Variants in ATP5PO observed in about 807,000 individuals in gnomAD.
ATP5PO encodes ATP synthase peripheral stalk subunit OSCP, mitochondrial.
A neutral mutation model predicts 26.2 loss-of-function variants in ATP5PO; 14 were observed. That is an observed-to-expected ratio of 0.53 (90% CI 0.35 to 0.83). The LOEUF is 0.83. ATP5PO is among the 40% of genes least tolerant of loss of function. ATP5PO has a pLI of 0.01. For missense variants in ATP5PO, 241 were observed against 258.5 expected (o/e 0.93, Z 0.46); for synonymous variants, 106 against 95.1 (o/e 1.12, Z -0.67).
At chr21:33,915,526 G>A in intron 1 of ATP5PO, 2 of 710,108 alleles carry the variant, frequency 2.8e-6, no homozygotes, top group Middle Eastern at 3.2e-4. Context: ...TACGGCACGC[G>A]CAGCCCCGCG....
chr21:33,912,894 G>A (rs553178686), intron 2 of ATP5PO, among the ~76,000 whole-genome samples: 3 of 152,298 alleles, frequency 2.0e-5, no homozygotes, highest in South Asian at 4.1e-4. Context: ...CCCTATCGAT[G>A]TTCAGTGTAA....
At chr21:33,905,319 A>G (rs1332809888) in intron 5 of ATP5PO, among the ~76,000 whole-genome samples, 1 of 151,972 alleles carries the variant, frequency 6.6e-6, no homozygotes, top group East Asian at 1.9e-4. Flanking sequence ...CATGCCTACT[A>G]TCTCCCTTCA....
At chr21:33,915,443 G>T in intron 1 of ATP5PO, 1 of 490,028 alleles carries the variant, frequency 2.0e-6, no homozygotes, top group Non-Finnish European at 3.6e-6. Context: ...GGAATTCAGC[G>T]AAGGGCAGAC....
Position 33,907,454 on chromosome 21 carries a change from C to A in ATP5PO, c.329-1G>T. Reference sequence around the variant, plus strand: ...AATCGACCATTTTCAGCAAGCAAATCTGCCAGAGTGAAGGTGTCTCAGTAA... The same window carrying A: ...AATCGACCATTTTCAGCAAGCAAATATGCCAGAGTGAAGGTGTCTCAGTAA... On this transcript the variant is annotated splice_acceptor_variant, in intron 4 of 6. Transcript: ENST00000290299. LOFTEE classifies it high-confidence loss of function. The A allele has an allele frequency of 6.2e-7, 1 of 1,612,812 alleles. No individual in the cohort carries two copies. The highest frequency in any genetic ancestry group is 8.5e-7 in the Non-Finnish European group (1 of 1,178,854).
chr21:33,910,790 C>T (rs892399158), intron 3 of ATP5PO, among the ~76,000 whole-genome samples: 6 of 152,204 alleles, frequency 3.9e-5, no homozygotes, highest in Non-Finnish European at 7.3e-5. Flanking sequence ...TAAGCATTAT[C>T]TGCAGAGATA....
chr21:33,914,363 A>T, intron 2 of ATP5PO, 87 bp downstream of exon 2: 1 of 1,345,172 alleles, frequency 7.4e-7, no homozygotes, highest in Non-Finnish European at 1.1e-6. Flanking sequence ...GATAGTAACT[A>T]CACAAAAATC....
rs1279436437 is a variant in ATP5PO, at chr21:33,903,522, A to T, written c.*4T>A. 1 of 1,606,476 alleles carries T rather than the reference A, an allele frequency of 6.2e-7. No individual in the cohort carries two copies. Among genetic ancestry groups the T allele is most frequent in the Non-Finnish European group, 8.5e-7 (1 of 1,175,426 alleles). On this transcript the variant is annotated 3_prime_UTR_variant, in exon 7 of 7. Coordinates refer to ENST00000290299, the MANE Select transcript of ATP5PO (RefSeq NM_001697.3). ...TTTTCACTGATGGCAGAAAACCAAC[A>T]CTTTTAGACAATCTCCCGCATAGCC...
In ATP5PO at chr21:33,903,560, T is replaced by TG. The variant is rs1265639187; in HGVS notation, c.607dup (p.Gln203ProfsTer21). 1 of 1,614,056 alleles carries TG rather than the reference T, an allele frequency of 6.2e-7. No individual in the cohort carries two copies. Among genetic ancestry groups the TG allele is most frequent in the African/African-American group, 1.3e-5 (1 of 74,946 alleles). ...CTCCCGCATAGCCCTGCCCAGCTTC[T>TG]GAATCTTGGTCTTGACAGACATGTC... On this transcript the variant is annotated frameshift_variant, in exon 7 of 7. Coordinates refer to ENST00000290299, the MANE Select transcript of ATP5PO (RefSeq NM_001697.3). LOFTEE classifies it high-confidence loss of function.
Position 33,915,754 on chromosome 21 carries a change from G to C in ATP5PO, c.10C>G (p.Pro4Ala), listed in dbSNP as rs1987306554. 6.3e-7 allele frequency: 1 copy of C among 1,575,706 alleles called. No individual in the cohort carries two copies. The highest frequency in any genetic ancestry group is 8.6e-7 in the Non-Finnish European group (1 of 1,160,998). ...TGCCGGGAGAGCCCGGACACTGCTG[G>C]GGCAGCCATCTTCTCCCGGGCGGCT... is the stretch of plus-strand genomic sequence containing the variant. Reference protein sequence around the residue: MAAPAVSGLSRQVR... With the variant: MAAAAVSGLSRQVR... The change falls in exon 1 of 7, where the codon CCA becomes GCA. Residue 4 changes from proline (P) to alanine (A), a missense_variant. Transcript: ENST00000290299.
intron 3 of ATP5PO, 108 bp from the exon 4 acceptor site, chr21:33,909,319 C>T (rs185433840): frequency 2.8e-5 from 36 of 1,307,534 alleles, no homozygotes; most frequent in East Asian, 1.7e-4. Context: ...CTTGCTCCGT[C>T]GCTCAGGCTG....
intron 5 of ATP5PO, chr21:33,906,436 A>C: frequency 3.0e-6 from 1 of 328,780 alleles, no homozygotes; most frequent in Non-Finnish European, 6.0e-6. Context: ...CTGTGTTCAA[A>C]TTCTAGTCCC....
chr21:33,909,287 CTTTCT>C (rs1987217432), intron 3 of ATP5PO, 76 bp from the exon 4 acceptor site: 1 of 1,500,486 alleles, frequency 6.7e-7, no homozygotes, highest in Non-Finnish European at 9.0e-7. Flanking sequence ...CACTTTCTTT[CTTTCT>C]TTTTTGGAGA....
intron 5 of ATP5PO, chr21:33,906,425 C>G (rs958758649): frequency 3.1e-6 from 1 of 322,202 alleles, no homozygotes; most frequent in African/African-American, 2.2e-5. Flanking sequence ...GGCCTTGAGG[C>G]CTGTGTTCAA....
rs749130391 is a variant in ATP5PO, at chr21:33,909,090, T to C, written c.320A>G (p.Asn107Ser). Residue 107 changes from asparagine to serine, a missense_variant, in exon 4 of 7, where the codon AAT becomes AGT. Around this residue, in one of 3 missense-constraint regions of ATP5PO, gnomAD observed 39 missense variants for 75.5 expected, o/e 0.52. Coordinates refer to ENST00000290299, the MANE Select transcript of ATP5PO (RefSeq NM_001697.3). ...AAAGTTCTAATACTCACTGATCAGA[T>C]TGGTAGTGAGGGGAGAGAACCTCTC... ...AKERFSPLTT[N>S]LINLLAENGR... 32 of 1,609,694 alleles carry C rather than the reference T, an allele frequency of 2.0e-5. No individual in the cohort carries two copies. Among genetic ancestry groups the C allele is most frequent in the Middle Eastern group, 3.3e-4 (2 of 6,048 alleles).
rs144010684 is a variant in ATP5PO at position 33,909,145 on chromosome 21, C to G, written c.265G>C (p.Val89Leu). 1 of 1,613,752 alleles carries G rather than the reference C, an allele frequency of 6.2e-7. No homozygotes were observed. Among genetic ancestry groups the G allele is most frequent in the Non-Finnish European group, 8.5e-7 (1 of 1,179,614 alleles). ...LNPYVKRSIK[V>L]KSLNDITAKE... ...GCTGTGATGTCATTTAGGCTTTTCA[C>G]TTTAATGGAACGCTTCACATAGGGA... Residue 89 changes from valine to leucine, a missense_variant, in exon 4 of 7, where the codon GTG becomes CTG. Val to Leu is a conservative substitution (Grantham distance 32, BLOSUM62 1). Around this residue, in one of 3 missense-constraint regions of ATP5PO, gnomAD observed 125 missense variants for 108.5 expected, o/e 1.15. Coordinates refer to ENST00000290299, the MANE Select transcript of ATP5PO (RefSeq NM_001697.3).
chr21:33,904,065 G>A, intron 5 of ATP5PO, 44 bp from the exon 6 acceptor site: 1 of 1,528,492 alleles, frequency 6.5e-7, no homozygotes, highest in South Asian at 1.2e-5. Flanking sequence ...AAGCAAAACA[G>A]AAACTTCCAG....
chr21:33,915,777 G>A lies in ATP5PO; in HGVS notation c.-14C>T, dbSNP rs1332690160. On this transcript the variant is annotated 5_prime_UTR_variant, in exon 1 of 7. Coordinates refer to ENST00000290299, the MANE Select transcript of ATP5PO (RefSeq NM_001697.3). ...TGGGGCAGCCATCTTCTCCCGGGCGGCTGTAGGTCAAACCCGAGTGGGAAG... is the reference window on the plus strand; with the variant it reads ...TGGGGCAGCCATCTTCTCCCGGGCGACTGTAGGTCAAACCCGAGTGGGAAG... 1.9e-6 allele frequency: 3 copies of A among 1,565,872 alleles called. No homozygotes were observed. The highest frequency in any genetic ancestry group is 2.6e-6 in the Non-Finnish European group (3 of 1,156,188).
chr21:33,905,843 C>T lies in ATP5PO; in HGVS notation c.441+1498G>A, dbSNP rs1054957226. On this transcript the variant is annotated intron_variant, in intron 5 of 6. Coordinates refer to ENST00000290299, the MANE Select transcript of ATP5PO (RefSeq NM_001697.3). The stretch of plus-strand genomic sequence containing the variant: ...AGGAGAATTGCTTGAACCTGGGAGG[C>T]GGAAGTTGCAGTGAGCTAAGATCGT... Among the ~76,000 whole-genome samples the T allele has an allele frequency of 5.8e-5, 8 of 137,410 alleles. No individual in the cohort carries two copies. The South Asian group carries it at 7.0e-4, about 12-fold the overall frequency. 90.1% of individuals were successfully genotyped at this position (137,410 alleles called of 152,430 possible). A position where few individuals can be genotyped will look rare whatever the true frequency, so the allele number is the denominator to read the frequency against.
chr21:33,915,756 G>A lies in ATP5PO; in HGVS notation c.8C>T (p.Ala3Val), dbSNP rs1316279381. The A allele has an allele frequency of 6.3e-6, 10 of 1,574,998 alleles. No individual in the cohort carries two copies. Among genetic ancestry groups the A allele is most frequent in the South Asian group, 4.7e-5 (4 of 85,652 alleles). ...CCGGGAGAGCCCGGACACTGCTGGG[G>A]CAGCCATCTTCTCCCGGGCGGCTGT... MA[A>V]PAVSGLSRQV... is the part of the protein sequence containing the mutation. The change falls in exon 1 of 7, where the codon GCC (alanine) becomes GTC (valine). Residue 3 changes from alanine to valine, a missense_variant. Transcript: ENST00000290299.
Sources: allele counts gnomAD v4.1 joint callset (sites outside exome capture counted in the v4.1 genomes callset), GRCh38; gene constraint gnomAD v4.1.1; regional missense constraint gnomAD v4.1.1; transcripts MANE v1.5; gene names NCBI Gene and HGNC (gene_info 2026-07-23, HGNC 2026-07-21).